RBM44: variants seen among roughly 807,000 people sequenced by gnomAD.
The protein encoded by RBM44 is RNA binding motif protein 44.
Under a neutral mutation model 105.1 loss-of-function variants are expected in RBM44, and 66 were observed. The ratio of observed to expected loss-of-function variants is 0.63; its 90% confidence interval spans 0.52 to 0.77. The LOEUF (loss-of-function observed/expected upper bound fraction) is 0.77, where lower values mean the gene tolerates loss of function less well. RBM44 is among the 30% of genes least tolerant of loss of function. The pLI is 0.00. For missense variants in RBM44, 1,122 were observed against 1,207.8 expected (o/e 0.93, Z 1.05); for synonymous variants, 365 against 417.6 (o/e 0.87, Z 1.54).
intron 13 of RBM44, among the ~76,000 whole-genome samples, chr2:237,833,383 A>T (rs2061921343): frequency 6.6e-6 from 1 of 152,204 alleles, no homozygotes; most frequent in African/African-American, 2.4e-5. Context: ...GCCTACTTGC[A>T]GTGTTAACAG....
intron 1 of RBM44, among the ~76,000 whole-genome samples, chr2:237,806,811 C>T (rs910201220): frequency 5.3e-5 from 8 of 152,130 alleles, no homozygotes; most frequent in African/African-American, 1.7e-4. Context: ...TATATTTCTT[C>T]TACCCAGAGC....
At chr2:237,812,704 T>C (rs1461468474) in intron 1 of RBM44, among the ~76,000 whole-genome samples, 1 of 152,124 alleles carries the variant, frequency 6.6e-6, no homozygotes, top group Non-Finnish European at 1.5e-5. Context: ...CTTTTAGGGG[T>C]ATGGAGAGTG....
At position 237,834,007 on chromosome 2, in the gene RBM44, A is replaced by G; in HGVS notation, c.2897A>G (p.Lys966Arg). The change falls in exon 14 of 16, where the codon AAG becomes AGG. Residue 966 changes from lysine (K) to arginine (R), a missense_variant. By Grantham distance (26) the Lys-to-Arg change is conservative (BLOSUM62 2). Coordinates refer to ENST00000316997, the MANE Select transcript of RBM44 (RefSeq NM_001080504.3). Reference sequence around the variant, plus strand: ...TAAATGCTTATTTAGGGTGTCAAGAAGAATTGTAAGCAGATTGAATCTGCT... The same window carrying G: ...TAAATGCTTATTTAGGGTGTCAAGAGGAATTGTAAGCAGATTGAATCTGCT... ...EVFPSDQGVK[K>R]NCKQIESAKL... The G allele has an allele frequency of 6.5e-7, 1 of 1,529,424 alleles. No individual in the cohort carries two copies. Among genetic ancestry groups the G allele is most frequent in the East Asian group, 2.3e-5 (1 of 43,306 alleles). The allele number at this position is 1,529,424 out of a possible 1,614,324, so 94.7% of individuals were successfully genotyped here.
Position 237,820,288 on chromosome 2 carries a change from T to C in RBM44, c.1850T>C (p.Met617Thr). ...CACCTTTTAAATGTTCACTATCAGA[T>C]GTGTCGTCGCCATTGTTGTGATATT... ...ELHLLNVHYQMCRRHCCDIYK... is the reference protein window; with the variant it reads ...ELHLLNVHYQTCRRHCCDIYK... The change falls in exon 5 of 16, where the codon ATG becomes ACG. Residue 617 changes from methionine to threonine, a missense_variant. Transcript: ENST00000316997. The C allele has an allele frequency of 6.2e-7, 1 of 1,604,714 alleles. No homozygotes were observed. Among genetic ancestry groups the C allele is most frequent in the Non-Finnish European group, 8.5e-7 (1 of 1,174,652 alleles).
chr2:237,820,283 T>G lies in RBM44; in HGVS notation c.1845T>G (p.Tyr615Ter). Residue 615 changes from tyrosine (Y) to a stop codon, truncating the protein, a stop_gained, in exon 5 of 16, where the codon TAT (tyrosine) becomes TAG (stop). Coordinates refer to ENST00000316997, the MANE Select transcript of RBM44 (RefSeq NM_001080504.3). LOFTEE classifies it high-confidence loss of function. The part of the protein sequence containing the change: ...KAELHLLNVH[Y>*]QMCRRHCCDI... ...AGCTGCACCTTTTAAATGTTCACTA[T>G]CAGATGTGTCGTCGCCATTGTTGTG... The G allele has an allele frequency of 6.2e-7, 1 of 1,604,950 alleles. No individual in the cohort carries two copies. The highest frequency in any genetic ancestry group is 8.5e-7 in the Non-Finnish European group (1 of 1,174,780).
chr2:237,818,193 A>G lies in RBM44; in HGVS notation c.1274A>G (p.Glu425Gly). 6.2e-7 allele frequency: 1 copy of G among 1,613,238 alleles called. No homozygotes were observed. The highest frequency in any genetic ancestry group is 8.5e-7 in the Non-Finnish European group (1 of 1,179,538). ...GCAGTCAGAGATAATCAGGCAATAG[A>G]AGATAATACGTCCCTAAAAGTTGCT... is the stretch of plus-strand genomic sequence containing the variant. Reference protein sequence around the residue: ...KIAVRDNQAIEDNTSLKVAHS... With the variant: ...KIAVRDNQAIGDNTSLKVAHS... The change falls in exon 3 of 16, where the codon GAA (glutamate) becomes GGA (glycine). Residue 425 changes from glutamate (E) to glycine (G), a missense_variant. By Grantham distance (98) the Glu-to-Gly change is moderately conservative. Around this residue, in one of 3 missense-constraint regions of RBM44, gnomAD observed 918 missense variants for 955.3 expected, o/e 0.96. Transcript: ENST00000316997. This position sits in a 1 kb window ranked among gnomAD's most constrained non-coding sequence, Gnocchi z 4.6.
intron 12 of RBM44, among the ~76,000 whole-genome samples, chr2:237,828,202 T>G (rs535358104): frequency 3.3e-4 from 51 of 152,276 alleles, no homozygotes; most frequent in Non-Finnish European, 6.3e-4. Flanking sequence ...TGGCGATAGC[T>G]TAATGGAAAT....
chr2:237,806,412 C>T (rs1051716716), intron 1 of RBM44, among the ~76,000 whole-genome samples: 4 of 152,076 alleles, frequency 2.6e-5, no homozygotes, highest in African/African-American at 7.2e-5. Flanking sequence ...GCTTAATATT[C>T]CTGCTTTTTC....
chr2:237,826,169 GA>G (rs1360688967), intron 10 of RBM44, among the ~76,000 whole-genome samples: 1 of 151,748 alleles, frequency 6.6e-6, no homozygotes, highest in African/African-American at 2.4e-5. Context: ...ATTATTTAAT[GA>G]AAAAAATAAA....
rs746142335 is a variant in RBM44, at chr2:237,824,311, A to G, written c.2341A>G (p.Thr781Ala). 6.2e-7 allele frequency: 1 copy of G among 1,613,064 alleles called. No individual in the cohort carries two copies. The highest frequency in any genetic ancestry group is 1.7e-5 in the Admixed American group (1 of 59,950). ...GDKDCRHYQE[T>A]SEDWSDAKES... The stretch of plus-strand genomic sequence containing the variant: ...CTTAGACTGCAGACATTACCAAGAG[A>G]CAAGCGAAGACTGGTCTGATGCTAA... The change falls in exon 10 of 16, where the codon ACA becomes GCA. Residue 781 changes from threonine to alanine, a missense_variant. Transcript: ENST00000316997.
rs991746468 is a variant in RBM44 at position 237,837,934 on chromosome 2, G to C, written c.*22+3511G>C. On this transcript the variant is annotated intron_variant, in intron 15 of 15. Coordinates refer to ENST00000316997, the MANE Select transcript of RBM44 (RefSeq NM_001080504.3). ...GACAAAGCAGTGGCAAAGTTTGAGG[G>C]TGTTTAAAAAAAAGTTTAAGGAAAT... Among the ~76,000 whole-genome samples, 2 of 151,240 alleles carry C rather than the reference G, an allele frequency of 1.3e-5. 1 individual carries two copies. The highest frequency in any genetic ancestry group is 3.0e-5 in the Non-Finnish European group (2 of 67,732).
intron 13 of RBM44, among the ~76,000 whole-genome samples, chr2:237,831,122 C>T (rs570662292): frequency 1.4e-4 from 21 of 151,898 alleles, no homozygotes; most frequent in African/African-American, 2.2e-4. Flanking sequence ...TTAGCAACTC[C>T]GCTTCCACTC....
rs576858551 is a variant in RBM44 at position 237,836,985 on chromosome 2, C to T, written c.*22+2562C>T. Among the ~76,000 whole-genome samples the T allele has an allele frequency of 4.6e-5, 7 of 152,142 alleles. No homozygotes were observed. In the East Asian group the frequency reaches 1.4e-3, roughly 29 times the overall value. On this transcript the variant is annotated intron_variant, in intron 15 of 15. Transcript: ENST00000316997. ...CAAGCAGTCCTCCTGACTCAGCCTC[C>T]CTCAGTAGCTGGGATTAGAGGCACA... is the stretch of plus-strand genomic sequence containing the variant.
In RBM44 at chr2:237,834,097, C is replaced by T. The variant is rs894014660; in HGVS notation, c.2987C>T (p.Thr996Ile). ...PPNTLNLRSFTKIIKRLAELH... is the reference protein window; with the variant it reads ...PPNTLNLRSFIKIIKRLAELH... The stretch of plus-strand genomic sequence containing the variant: ...AATACATTGAACCTTCGTAGCTTTA[C>T]CAAGATCATAAAGAGACTGGCTGAA... Residue 996 changes from threonine (T) to isoleucine (I), a missense_variant, in exon 14 of 16, where the codon ACC (threonine) becomes ATC (isoleucine). Physicochemically the swap from Thr to Ile is moderately conservative, Grantham distance 89. Transcript: ENST00000316997. 5 of 1,582,516 alleles carry T rather than the reference C, an allele frequency of 3.2e-6. No individual in the cohort carries two copies. Among genetic ancestry groups the T allele is most frequent in the Non-Finnish European group, 4.3e-6 (5 of 1,162,262 alleles).
rs2062010271 is a variant in RBM44, at chr2:237,841,345, C to T, written c.*23-494C>T. Among the ~76,000 whole-genome samples the T allele has an allele frequency of 6.6e-6, 1 of 152,166 alleles. No homozygotes were observed. Among genetic ancestry groups the T allele is most frequent in the African/African-American group, 2.4e-5 (1 of 41,436 alleles). ...GAAAACCAAATACCACGTGATCTTACTTATAAATGGCAGCTAAACTTTGAG... is the reference window on the plus strand; with the variant it reads ...GAAAACCAAATACCACGTGATCTTATTTATAAATGGCAGCTAAACTTTGAG... On this transcript the variant is annotated intron_variant, in intron 15 of 15. Coordinates refer to ENST00000316997, the MANE Select transcript of RBM44 (RefSeq NM_001080504.3). The surrounding 1 kb of genome is among the most constrained non-coding windows in gnomAD (Gnocchi z 4.5).
chr2:237,806,032 A>C (rs2061596452), intron 1 of RBM44, among the ~76,000 whole-genome samples: 1 of 152,106 alleles, frequency 6.6e-6, no homozygotes, highest in Non-Finnish European at 1.5e-5. Context: ...AAACTATAAA[A>C]ATCTTAGAAG....
At chr2:237,826,732 G>A (rs536687628) in intron 10 of RBM44, among the ~76,000 whole-genome samples, 15 of 152,150 alleles carry the variant, frequency 9.9e-5, no homozygotes, top group African/African-American at 3.6e-4. Flanking sequence ...TTAAAAGCCT[G>A]TACTAAACAT....
In RBM44 at chr2:237,824,408, A is replaced by G. The variant is rs749745907; in HGVS notation, c.2438A>G (p.Asp813Gly). Residue 813 changes from aspartate to glycine, a missense_variant, in exon 10 of 16, where the codon GAT (aspartate) becomes GGT (glycine). Around this residue, in one of 3 missense-constraint regions of RBM44, gnomAD observed 918 missense variants for 955.3 expected, o/e 0.96. Transcript: ENST00000316997. ...NQVEQDTWNL[D>G]LTGEMKNVEP... ...GTAGAACAAGACACATGGAATTTGGATCTTACAGGAGGTTGGTTCTCAAGA... is the reference window on the plus strand; with the variant it reads ...GTAGAACAAGACACATGGAATTTGGGTCTTACAGGAGGTTGGTTCTCAAGA... 1 of 1,612,362 alleles carries G rather than the reference A, an allele frequency of 6.2e-7. No homozygotes were observed. The highest frequency in any genetic ancestry group is 8.5e-7 in the Non-Finnish European group (1 of 1,178,954).
chr2:237,812,143 A>G (rs1415673136), intron 1 of RBM44, among the ~76,000 whole-genome samples: 6 of 152,242 alleles, frequency 3.9e-5, no homozygotes, highest in Non-Finnish European at 8.8e-5. Flanking sequence ...GGCGTGAGCC[A>G]CTGCGCCCAG....
Sources: gnomAD v4.1 joint callset for allele counts (sites outside exome capture counted in the v4.1 genomes callset) on GRCh38, gnomAD v4.1.1 for gene constraint, gnomAD v4.1.1 regional missense constraint, Gnocchi (gnomAD v3.1) non-coding constraint, MANE v1.5 for transcripts, NCBI Gene and HGNC (gene_info 2026-07-23, HGNC 2026-07-21) for gene names.